The following ZNF705D variants were observed in gnomAD, a reference collection of about 807,000 sequenced individuals.
ZNF705D encodes putative zinc finger protein 705C.
For missense variants in ZNF705D, 6 were observed against 129.4 expected, an observed-to-expected ratio of 0.05 and a Z score of 4.63; for synonymous variants, 1 against 43.8, an observed-to-expected ratio of 0.02 and a Z score of 3.86.
the ZNF705D span, among the ~76,000 whole-genome samples, chr8:12,090,649 G>A: frequency 1.9e-4 from 2 of 10,558 alleles, 1 homozygote; most frequent in African/African-American, 2.1e-4. Flanking sequence ...CTTTTGAGAA[G>A]CGTCTGATCA....
At chr8:12,107,073 T>G (rs1802221193), upstream of ZNF705D, among the ~76,000 whole-genome samples, 1 of 3,590 alleles carries the variant, frequency 2.8e-4, no homozygotes, top group African/African-American at 5.3e-4. Context: ...AGATACCACG[T>G]TAGTGAAACA....
chr8:12,103,484 C>A (rs954345763), upstream of ZNF705D, among the ~76,000 whole-genome samples: 3 of 80,148 alleles, frequency 3.7e-5, no homozygotes, highest in African/African-American at 9.0e-5. Context: ...AAGAGAAGAG[C>A]CTTTAACCTT....
chr8:12,092,366 G>A, the ZNF705D span, among the ~76,000 whole-genome samples: 1 of 54 alleles, frequency 0.019, no homozygotes, highest in African/African-American at 0.022. Flanking sequence ...CAATGGGTGG[G>A]ATGGGCCTGT....
chr8:12,110,271 A>C lies in ZNF705D; in HGVS notation c.139+245A>C, dbSNP rs1356825614. 2.8e-4 allele frequency among the ~76,000 whole-genome samples: 19 copies of C among 69,068 alleles called. 2 individuals carry two copies. The highest frequency in any genetic ancestry group is 3.9e-4 in the African/African-American group (11 of 28,360). The allele number at this position is 69,068 out of a possible 152,430, so 45.3% of individuals were successfully genotyped here. A position where few individuals can be genotyped will look rare whatever the true frequency, so the allele number is the denominator to read the frequency against. ...ACAAGTATTTCATGGTGTCTTTGGT[A>C]CTCAGTCTCTAATACTCATAACAGA... On this transcript the variant is annotated intron_variant, in intron 2 of 4. Transcript: ENST00000400078.
At chr8:12,090,519 G>A in the ZNF705D span, among the ~76,000 whole-genome samples, 3 of 16,198 alleles carry the variant, frequency 1.9e-4, no homozygotes, top group African/African-American at 2.8e-4. Context: ...AATTCACAAC[G>A]CAAGCCTCCG....
the ZNF705D span, among the ~76,000 whole-genome samples, chr8:12,089,916 A>C: frequency 1.2e-3 from 55 of 47,324 alleles, no homozygotes; most frequent in African/African-American, 1.8e-3. Flanking sequence ...CCCTTGTGAT[A>C]GCCCGGAGTC....
the ZNF705D span, among the ~76,000 whole-genome samples, chr8:12,097,523 T>C: frequency 6.8e-6 from 1 of 147,346 alleles, no homozygotes; most frequent in Middle Eastern, 3.6e-3. Flanking sequence ...AAGGTACCCT[T>C]TGGGTACACC....
At chr8:12,105,035 T>C (rs1352965119), upstream of ZNF705D, among the ~76,000 whole-genome samples, 6 of 95,376 alleles carry the variant, frequency 6.3e-5, no homozygotes, top group African/African-American at 1.7e-4. Flanking sequence ...TATTCTCTTT[T>C]ACTCTGTGGT....
chr8:12,090,701 T>TG, the ZNF705D span, among the ~76,000 whole-genome samples: 2 of 28,760 alleles, frequency 7.0e-5, 1 homozygote, highest in African/African-American at 1.1e-4. Context: ...TTTGTAAATT[T>TG]CTTTAAGTTC....
chr8:12,109,342 G>T (rs1217644645), intron 1 of ZNF705D, among the ~76,000 whole-genome samples: 89 of 82,586 alleles, frequency 1.1e-3, no homozygotes, highest in Non-Finnish European at 2.0e-3. Context: ...GAATGAATAA[G>T]GGACCAATGA....
chr8:12,089,870 A>C, the ZNF705D span, among the ~76,000 whole-genome samples: 31 of 47,656 alleles, frequency 6.5e-4, 9 homozygotes, highest in African/African-American at 1.0e-3. Context: ...GCTAGCTTCC[A>C]GGCACGCTGA....
rs1308864058 is a variant in ZNF705D at position 12,110,260 on chromosome 8, G to T, written c.139+234G>T. ...ATGTAATCTTGACAAGTATTTCATG[G>T]TGTCTTTGGTACTCAGTCTCTAATA... On this transcript the variant is annotated intron_variant, in intron 2 of 4. Coordinates refer to ENST00000400078, the Ensembl canonical transcript of ZNF705D. 6.3e-5 allele frequency among the ~76,000 whole-genome samples: 4 copies of T among 63,808 alleles called. 1 individual carries two copies. The highest frequency in any genetic ancestry group is 1.5e-4 in the African/African-American group (4 of 26,848). 41.9% of individuals were successfully genotyped at this position (63,808 alleles called of 152,430 possible). A position where few individuals can be genotyped will look rare whatever the true frequency, so the allele number is the denominator to read the frequency against.
upstream of ZNF705D, among the ~76,000 whole-genome samples, chr8:12,107,700 G>A (rs539206125): frequency 0.011 from 740 of 70,028 alleles, 269 homozygotes; most frequent in South Asian, 0.033. Context: ...TCAGAAGGCT[G>A]TGGTGGGTGT....
chr8:12,107,288 C>T (rs1285105993), upstream of ZNF705D, among the ~76,000 whole-genome samples: 1 of 55,228 alleles, frequency 1.8e-5, no homozygotes, highest in Non-Finnish European at 3.9e-5. Flanking sequence ...AATTCATTAT[C>T]CCCATCCTAA....
At chr8:12,095,424 A>G in the ZNF705D span, 1 of 45,296 alleles carries the variant, frequency 2.2e-5, no homozygotes, top group African/African-American at 5.8e-5. Context: ...GTGCCTGAAA[A>G]TAATCTTGTG....
chr8:12,090,008 G>T, the ZNF705D span, among the ~76,000 whole-genome samples: 2 of 62,726 alleles, frequency 3.2e-5, no homozygotes, highest in Non-Finnish European at 4.5e-5. Flanking sequence ...ATGGGCTTCA[G>T]TTCTTACCCC....
upstream of ZNF705D, among the ~76,000 whole-genome samples, chr8:12,107,344 A>C (rs1177758867): frequency 1.8e-5 from 1 of 55,060 alleles, no homozygotes; most frequent in Non-Finnish European, 3.9e-5. Flanking sequence ...CTCTGTCGCC[A>C]TCGCTGGAGT....
upstream of ZNF705D, among the ~76,000 whole-genome samples, chr8:12,100,929 A>G (rs1802142609): frequency 4.5e-4 from 2 of 4,488 alleles, 1 homozygote; most frequent in African/African-American, 5.2e-4. Flanking sequence ...CCCACTTACC[A>G]TTTCTGAATT....
the ZNF705D span, among the ~76,000 whole-genome samples, chr8:12,089,939 G>T: frequency 2.0e-5 from 1 of 49,380 alleles, no homozygotes; most frequent in African/African-American, 3.3e-5. Context: ...TTTCCAGGCC[G>T]AAGGCGAATC....
Sources: allele counts gnomAD v4.1 joint callset (sites outside exome capture counted in the v4.1 genomes callset), GRCh38; gene constraint gnomAD v4.1.1; transcripts MANE v1.5; gene names NCBI Gene and HGNC (gene_info 2026-07-23, HGNC 2026-07-21).